PHACTR1: variants seen among roughly 807,000 people sequenced by gnomAD.
The protein encoded by PHACTR1 is RPEL repeat containing 1.
PHACTR1 carries 16 observed loss-of-function variants against 69.2 expected under a neutral mutation model. That is an observed-to-expected ratio of 0.23 (90% CI 0.16 to 0.35). PHACTR1 has a LOEUF of 0.35. PHACTR1 is among the 10% of genes least tolerant of loss of function. The pLI is 1.00. For synonymous variants in PHACTR1, 312 were observed against 284.5 expected (o/e 1.10, Z -0.97); for missense variants, 510 against 734.7 (o/e 0.69, Z 3.54).
intron 4 of PHACTR1, among the ~76,000 whole-genome samples, chr6:13,046,997 A>G (rs571701058): frequency 4.6e-5 from 7 of 152,284 alleles, no homozygotes; most frequent in Admixed American, 2.0e-4. Context: ...ATTTATGATA[A>G]GGTAGCTCTG....
chr6:13,066,191 C>G (rs1483670211), intron 5 of PHACTR1, among the ~76,000 whole-genome samples: 1 of 152,206 alleles, frequency 6.6e-6, no homozygotes, highest in Non-Finnish European at 1.5e-5. Context: ...CCAGCACTCT[C>G]TGCGTGTAAG....
chr6:13,037,771 AAG>A (rs1803528768), intron 4 of PHACTR1, among the ~76,000 whole-genome samples: 1 of 152,228 alleles, frequency 6.6e-6, no homozygotes, highest in Non-Finnish European at 1.5e-5. Flanking sequence ...TGCTGTGTGG[AAG>A]ACTTGAGGGC....
At chr6:12,981,981 G>T (rs931432776) in intron 4 of PHACTR1, among the ~76,000 whole-genome samples, 1 of 152,256 alleles carries the variant, frequency 6.6e-6, no homozygotes. Context: ...CCACCAGTTT[G>T]ATTTCTTGTT....
intron 4 of PHACTR1, among the ~76,000 whole-genome samples, chr6:12,794,089 T>A (rs1772676679): frequency 6.6e-6 from 1 of 152,218 alleles, no homozygotes; most frequent in African/African-American, 2.4e-5. Flanking sequence ...AATAAGTTAA[T>A]CTTTCTGAGC....
chr6:13,047,235 G>A (rs557316029), intron 4 of PHACTR1, among the ~76,000 whole-genome samples: 15 of 152,054 alleles, frequency 9.9e-5, no homozygotes, highest in South Asian at 4.2e-4. Flanking sequence ...AAAATTAGCC[G>A]AGTGTGGTAG....
intron 5 of PHACTR1, among the ~76,000 whole-genome samples, chr6:13,119,589 C>T (rs1028702487): frequency 6.6e-6 from 1 of 152,206 alleles, no homozygotes; most frequent in Admixed American, 6.5e-5. Context: ...CCTGCAGCTA[C>T]AACTCACGTC....
intron 10 of PHACTR1, among the ~76,000 whole-genome samples, chr6:13,256,499 CCT>C (rs1402792000): frequency 6.6e-6 from 1 of 152,206 alleles, no homozygotes; most frequent in Admixed American, 6.5e-5. Context: ...CCACTTTTAC[CCT>C]GTTTCCCCTT....
At chr6:12,833,569 T>C (rs191087600) in intron 4 of PHACTR1, among the ~76,000 whole-genome samples, 83 of 152,260 alleles carry the variant, frequency 5.5e-4, no homozygotes, top group African/African-American at 1.9e-3. Context: ...AAACCTCCAA[T>C]TCTTGAATGA....
chr6:12,791,606 C>T (rs1772286164), intron 4 of PHACTR1, among the ~76,000 whole-genome samples: 1 of 152,176 alleles, frequency 6.6e-6, no homozygotes, highest in South Asian at 2.1e-4. Context: ...TTTGAAGCCT[C>T]ATGCTTGAGA....
chr6:12,871,941 A>G (rs990464812), intron 4 of PHACTR1, among the ~76,000 whole-genome samples: 11 of 138,248 alleles, frequency 8.0e-5, no homozygotes, highest in African/African-American at 2.8e-4. Context: ...GAAAGAGAGG[A>G]CATGTGATGG....
At chr6:12,811,851 G>A (rs978825517) in intron 4 of PHACTR1, among the ~76,000 whole-genome samples, 3 of 152,046 alleles carry the variant, frequency 2.0e-5, no homozygotes, top group Non-Finnish European at 4.4e-5. Context: ...TTATGTCTCC[G>A]TGGCAGCCGA....
At chr6:13,274,824 C>G (rs1778553131) in intron 11 of PHACTR1, 1 of 152,184 alleles carries the variant, frequency 6.6e-6, no homozygotes, top group African/African-American at 2.4e-5. Context: ...CTCTTTTATT[C>G]TCTTCCCTAA....
intron 4 of PHACTR1, among the ~76,000 whole-genome samples, chr6:12,915,521 G>A (rs9766751): frequency 0.32 from 37,685 of 119,026 alleles, 5,572 homozygotes; most frequent in Middle Eastern, 0.39. Context: ...AAAAAAAAAA[G>A]AAAAAAAAAA....
intron 4 of PHACTR1, among the ~76,000 whole-genome samples, chr6:12,927,061 C>T (rs558796072): frequency 9.1e-4 from 139 of 152,340 alleles, no homozygotes; most frequent in African/African-American, 3.3e-3. Flanking sequence ...ATACAGTAAT[C>T]ACAACTTTGC....
chr6:13,268,011 A>C (rs1358528386), intron 10 of PHACTR1, among the ~76,000 whole-genome samples: 3 of 152,168 alleles, frequency 2.0e-5, no homozygotes, highest in Admixed American at 6.5e-5. Context: ...TCACACCTGT[A>C]ATCTCAGCAC....
chr6:13,036,336 C>T (rs998167366), intron 4 of PHACTR1, among the ~76,000 whole-genome samples: 1 of 152,150 alleles, frequency 6.6e-6, no homozygotes, highest in East Asian at 1.9e-4. Context: ...AACTAAGCAA[C>T]AAACTATAGC....
At chr6:12,807,918 T>C (rs1255629005) in intron 4 of PHACTR1, among the ~76,000 whole-genome samples, 1 of 152,244 alleles carries the variant, frequency 6.6e-6, no homozygotes, top group Admixed American at 6.5e-5. Flanking sequence ...TAAAGTGTTT[T>C]GAATTTGCTT....
chr6:12,869,550 C>T (rs536811548), intron 4 of PHACTR1, among the ~76,000 whole-genome samples: 1 of 152,332 alleles, frequency 6.6e-6, no homozygotes, highest in Admixed American at 6.5e-5. Flanking sequence ...CTTGCACCTT[C>T]CCCTGATGAT....
In PHACTR1 at chr6:12,748,090, G is replaced by C. The variant is rs144781445; in HGVS notation, c.104-1554G>C. ...TTTAAAATAACAGAAACCAATGACG[G>C]GGATGAAAGGACGAGATTGGAGTGT... is the stretch of plus-strand genomic sequence containing the variant. On this transcript the variant is annotated intron_variant, in intron 3 of 14. Coordinates refer to ENST00000332995, the MANE Select transcript of PHACTR1 (RefSeq NM_030948.6). 3.1e-3 allele frequency among the ~76,000 whole-genome samples: 474 copies of C among 152,316 alleles called. 2 individuals are homozygous for C. Among genetic ancestry groups the C allele is most frequent in the African/African-American group, 0.01 (435 of 41,572 alleles).
Sources: allele counts gnomAD v4.1 joint callset (sites outside exome capture counted in the v4.1 genomes callset), GRCh38; gene constraint gnomAD v4.1.1; transcripts MANE v1.5; gene names NCBI Gene and HGNC (gene_info 2026-07-23, HGNC 2026-07-21).